Variants in ARL15 observed in about 807,000 individuals in gnomAD.
ARL15 encodes the protein ADP-ribosylation factor-like protein 15.
ARL15 carries 19 observed loss-of-function variants against 25.2 expected under a neutral mutation model. That is an observed-to-expected ratio of 0.75 (90% CI 0.53 to 1.10). ARL15 has a LOEUF of 1.10. Ranked by LOEUF, ARL15 falls within the 50% of genes least tolerant of loss-of-function variation. The pLI, the probability that ARL15 is intolerant of heterozygous loss-of-function variation, is 0.00. For synonymous variants in ARL15, 94 were observed against 86.8 expected, an observed-to-expected ratio of 1.08 and a Z score of -0.46; for missense variants, 220 against 246.0, an observed-to-expected ratio of 0.89 and a Z score of 0.71.
At chr5:53,998,553 T>A (rs1031294483) in intron 4 of ARL15, among the ~76,000 whole-genome samples, 10 of 152,214 alleles carry the variant, frequency 6.6e-5, no homozygotes, top group Non-Finnish European at 1.3e-4. Context: ...AGAAAGGGAC[T>A]TCTGTAAGGA....
intron 1 of ARL15, among the ~76,000 whole-genome samples, chr5:54,192,379 T>G (rs1305391050): frequency 6.6e-6 from 1 of 152,136 alleles, no homozygotes; most frequent in Non-Finnish European, 1.5e-5. Context: ...ATTTACTATT[T>G]ATTTGTTTAT....
intron 4 of ARL15, among the ~76,000 whole-genome samples, chr5:54,042,039 C>T (rs911354376): frequency 2.0e-5 from 3 of 151,024 alleles, no homozygotes; most frequent in Admixed American, 1.3e-4. Context: ...GGCACGATCT[C>T]GGCTCACCGC....
At chr5:53,974,829 C>G (rs190216916) in intron 4 of ARL15, among the ~76,000 whole-genome samples, 60 of 152,324 alleles carry the variant, frequency 3.9e-4, no homozygotes, top group Admixed American at 3.5e-3. Context: ...CCTTGATAAT[C>G]ATAGGTGATG....
intron 4 of ARL15, among the ~76,000 whole-genome samples, chr5:53,916,987 T>G (rs753600659): frequency 2.6e-5 from 4 of 152,220 alleles, no homozygotes; most frequent in Non-Finnish European, 4.4e-5. Flanking sequence ...ACACAAAGCT[T>G]CAGCTTACTC....
chr5:53,965,525 T>C (rs965711801), intron 4 of ARL15, among the ~76,000 whole-genome samples: 1 of 152,122 alleles, frequency 6.6e-6, no homozygotes, highest in Non-Finnish European at 1.5e-5. Flanking sequence ...TGAAATGCAG[T>C]GAAAGCCTTA....
At chr5:54,113,513 T>A (rs927238313) in intron 3 of ARL15, 103 bp from the exon 4 acceptor site, 1 of 1,076,508 alleles carries the variant, frequency 9.3e-7, no homozygotes, top group African/African-American at 1.6e-5. Context: ...CTTTTAAAAA[T>A]TAAGTGCTAA....
At chr5:54,087,199 G>A (rs973388829) in intron 4 of ARL15, among the ~76,000 whole-genome samples, 2 of 152,094 alleles carry the variant, frequency 1.3e-5, no homozygotes, top group African/African-American at 2.4e-5. Context: ...GTGGTGGCAG[G>A]TGCCTGTAGT....
At chr5:53,943,557 T>C (rs1490663024) in intron 4 of ARL15, among the ~76,000 whole-genome samples, 1 of 152,198 alleles carries the variant, frequency 6.6e-6, no homozygotes, top group African/African-American at 2.4e-5. Flanking sequence ...GTTCAGTTTT[T>C]CTGATGCAGG....
chr5:54,181,518 A>T (rs1755057292), intron 1 of ARL15, among the ~76,000 whole-genome samples: 2 of 152,238 alleles, frequency 1.3e-5, no homozygotes, highest in Admixed American at 6.5e-5. Context: ...TGATTACCTG[A>T]ACAGAACATT....
chr5:54,118,138 C>T (rs1752962884), intron 3 of ARL15, among the ~76,000 whole-genome samples: 1 of 152,128 alleles, frequency 6.6e-6, no homozygotes, highest in Non-Finnish European at 1.5e-5. Flanking sequence ...GATAAGTTTT[C>T]CAGATTCCAC....
intron 3 of ARL15, among the ~76,000 whole-genome samples, chr5:54,147,714 C>T (rs1753952011): frequency 6.6e-6 from 1 of 152,194 alleles, no homozygotes; most frequent in South Asian, 2.1e-4. Flanking sequence ...ATGTCTAAAA[C>T]ACTTTTCGAA....
intron 4 of ARL15, among the ~76,000 whole-genome samples, chr5:54,087,019 G>A (rs1751980557): frequency 1.3e-5 from 2 of 152,154 alleles, no homozygotes; most frequent in African/African-American, 2.4e-5. Context: ...TGTTAAACCT[G>A]GGTAAGCAGA....
chr5:53,959,540 A>T (rs1211633986), intron 4 of ARL15, among the ~76,000 whole-genome samples: 1 of 152,212 alleles, frequency 6.6e-6, no homozygotes, highest in African/African-American at 2.4e-5. Flanking sequence ...TGCTAAGGTA[A>T]CTGTGGGAGA....
Position 54,195,031 on chromosome 5 carries a change from T to C in ARL15, c.49-23103A>G, listed in dbSNP as rs546041098. ...TCTCGAGACATTCAGGATGTTTATT[T>C]ACTCAGAAAGTAAATCTACATTCCT... On this transcript the variant is annotated intron_variant, in intron 1 of 4. Transcript: ENST00000504924. 1.8e-4 allele frequency among the ~76,000 whole-genome samples: 28 copies of C among 152,322 alleles called. No homozygotes were observed. The East Asian group carries it at 3.1e-3, about 17-fold the overall frequency.
chr5:53,957,994 G>A (rs906273492), intron 4 of ARL15, among the ~76,000 whole-genome samples: 1 of 152,072 alleles, frequency 6.6e-6, no homozygotes, highest in African/African-American at 2.4e-5. Context: ...TGGATCACCT[G>A]AGGTCAGGGG....
chr5:54,059,462 T>C (rs568305224), intron 4 of ARL15, among the ~76,000 whole-genome samples: 10 of 152,366 alleles, frequency 6.6e-5, no homozygotes, highest in African/African-American at 2.4e-4. Flanking sequence ...ACCAGTTGTA[T>C]TTAAATAATG....
chr5:53,969,741 T>C (rs1238619619), intron 4 of ARL15, among the ~76,000 whole-genome samples: 1 of 152,158 alleles, frequency 6.6e-6, no homozygotes, highest in Non-Finnish European at 1.5e-5. Flanking sequence ...ACAATTTTCC[T>C]CAAGTGCCTA....
At chr5:54,173,778 G>A (rs1289203785) in intron 1 of ARL15, among the ~76,000 whole-genome samples, 3 of 151,938 alleles carry the variant, frequency 2.0e-5, no homozygotes, top group African/African-American at 7.3e-5. Context: ...CCCAGCTCTC[G>A]AGCCCAAACC....
rs1366735278 is a variant in ARL15, at chr5:54,071,513, C to G, written c.462+41689G>C. 7.4e-4 allele frequency among the ~76,000 whole-genome samples: 9 copies of G among 12,194 alleles called. No individual in the cohort carries two copies. The East Asian group carries it at 0.014, about 18-fold the overall frequency. 8.0% of individuals were successfully genotyped at this position (12,194 alleles called of 152,430 possible). A position where few individuals can be genotyped will look rare whatever the true frequency, so the allele number is the denominator to read the frequency against. On this transcript the variant is annotated intron_variant, in intron 4 of 4. Coordinates refer to ENST00000504924, the MANE Select transcript of ARL15 (RefSeq NM_019087.3). ...GCTCTCTCTCTTCCACCGCCTTTCC[C>G]CCCCCCCCCCCCGCAAAGCCAGACC...
Sources: allele counts gnomAD v4.1 joint callset (sites outside exome capture counted in the v4.1 genomes callset), GRCh38; gene constraint gnomAD v4.1.1; transcripts MANE v1.5; gene names NCBI Gene and HGNC (gene_info 2026-07-23, HGNC 2026-07-21).